The following PREX1 variants were observed in gnomAD, a reference collection of about 807,000 sequenced individuals.
PREX1 encodes the protein phosphatidylinositol 3,4,5-trisphosphate-dependent Rac exchanger 1 protein.
A neutral mutation model predicts 198.3 loss-of-function variants in PREX1; 41 were observed. That is an observed-to-expected ratio of 0.21 (90% CI 0.16 to 0.27). The LOEUF is 0.27. Among genes scored for constraint, PREX1 ranks in the 10% least tolerant of loss-of-function variants. PREX1 has a pLI of 1.00. For synonymous variants in PREX1, 843 were observed against 887.2 expected (o/e 0.95, Z 0.89); for missense variants, 1,620 against 2,200.7 (o/e 0.74, Z 5.28).
chr20:48,837,642 G>A, the PREX1 span, among the ~76,000 whole-genome samples: 3 of 152,160 alleles, frequency 2.0e-5, no homozygotes, highest in Admixed American at 2.0e-4. Context: ...ACGCAGAGGG[G>A]AGCAACAGAC....
At position 48,639,798 on chromosome 20, in the gene PREX1, G is replaced by A. The variant is rs759727690; in HGVS notation, c.3872C>T (p.Thr1291Ile). The A allele has an allele frequency of 1.9e-6, 3 of 1,613,984 alleles. No individual in the cohort carries two copies. The highest frequency in any genetic ancestry group is 2.2e-5 in the East Asian group (1 of 44,894). ...DPWNLPNSIKTLVDNIQRYVE... is the reference protein window; with the variant it reads ...DPWNLPNSIKILVDNIQRYVE... ...ATATCTCTGAATGTTGTCCACCAGG[G>A]TCTTGATGGAGTTGGGGAGGTTCCA... The change falls in exon 30 of 40, where the codon ACC (threonine) becomes ATC (isoleucine). Residue 1291 changes from threonine (T) to isoleucine (I), a missense_variant. Thr to Ile is a moderately conservative substitution (Grantham distance 89, BLOSUM62 -1). Around this residue, in one of 7 missense-constraint regions of PREX1, gnomAD observed 476 missense variants for 603.4 expected, o/e 0.79. Coordinates refer to ENST00000371941, the MANE Select transcript of PREX1 (RefSeq NM_020820.4).
chr20:48,676,325 G>C (rs989956457), intron 13 of PREX1, 57 bp from the exon 14 acceptor site: 1 of 1,542,360 alleles, frequency 6.5e-7, no homozygotes, highest in Non-Finnish European at 9.0e-7. Context: ...CAGAGGTGGG[G>C]GTGGTCCTGA....
intron 14 of PREX1, among the ~76,000 whole-genome samples, chr20:48,673,917 A>G (rs1462323210): frequency 1.3e-5 from 2 of 152,204 alleles, no homozygotes; most frequent in African/African-American, 2.4e-5. Flanking sequence ...AAAACAATCT[A>G]AAGGAGAAGG....
At chr20:48,885,225 A>T in the PREX1 span, among the ~76,000 whole-genome samples, 1 of 152,260 alleles carries the variant, frequency 6.6e-6, no homozygotes, top group African/African-American at 2.4e-5. Context: ...CAGCCCTGGT[A>T]CAAACATTGT....
chr20:48,818,520 G>A (rs918360566), intron 1 of PREX1, among the ~76,000 whole-genome samples: 4 of 152,240 alleles, frequency 2.6e-5, no homozygotes, highest in Admixed American at 6.5e-5. Context: ...AACAGAATGC[G>A]GGAGGCCAGG....
the PREX1 span, among the ~76,000 whole-genome samples, chr20:48,848,248 C>CTTTTTTT: frequency 2.8e-5 from 4 of 140,516 alleles, no homozygotes; most frequent in African/African-American, 7.8e-5. Context: ...TACATTTTTT[C>CTTTTTTT]TTTTTTTTTT....
chr20:48,785,352 T>C (rs990663931), intron 1 of PREX1, among the ~76,000 whole-genome samples: 15 of 152,250 alleles, frequency 9.9e-5, no homozygotes, highest in Non-Finnish European at 2.1e-4. Context: ...ACACCTGTGA[T>C]GGGTGGCAGC....
chr20:48,636,766 G>A, intron 31 of PREX1, 83 bp from the exon 32 acceptor site: 3 of 1,231,768 alleles, frequency 2.4e-6, no homozygotes, highest in South Asian at 2.9e-5. Context: ...CTGGGTCCAG[G>A]ACCCCTCATG....
intron 14 of PREX1, among the ~76,000 whole-genome samples, chr20:48,673,631 G>A (rs1443113188): frequency 4.7e-4 from 71 of 152,086 alleles, no homozygotes; most frequent in Non-Finnish European, 8.8e-5. Context: ...CTCCCACATG[G>A]CACCCCTGTC....
the PREX1 span, among the ~76,000 whole-genome samples, chr20:48,851,073 C>T: frequency 6.6e-6 from 1 of 152,210 alleles, no homozygotes; most frequent in African/African-American, 2.4e-5. Context: ...AGCCACACTC[C>T]TTTGTTTACC....
the PREX1 span, among the ~76,000 whole-genome samples, chr20:48,862,780 T>TAAAAA: frequency 1.1e-3 from 106 of 99,230 alleles, no homozygotes; most frequent in African/African-American, 2.4e-3. Flanking sequence ...TAAAAAAGCC[T>TAAAAA]AAAAAAAAAA....
chr20:48,853,239 G>A, the PREX1 span, among the ~76,000 whole-genome samples: 85 of 152,314 alleles, frequency 5.6e-4, no homozygotes, highest in African/African-American at 1.9e-3. Flanking sequence ...GAAAAGCTGA[G>A]CTGCAGGTAA....
intron 3 of PREX1, among the ~76,000 whole-genome samples, chr20:48,736,447 C>T (rs896963815): frequency 2.8e-4 from 43 of 152,238 alleles, no homozygotes; most frequent in Non-Finnish European, 5.4e-4. Flanking sequence ...CAAACCACCA[C>T]TCACTCATCA....
chr20:48,778,728 AT>A (rs2122912919), intron 1 of PREX1, among the ~76,000 whole-genome samples: 1 of 152,388 alleles, frequency 6.6e-6, no homozygotes, highest in East Asian at 1.9e-4. Flanking sequence ...TTGACTTTTC[AT>A]AAGGATGCAA....
At chr20:48,726,177 C>T in intron 5 of PREX1, 113 bp downstream of exon 5, 1 of 837,316 alleles carries the variant, frequency 1.2e-6, no homozygotes, top group East Asian at 2.7e-5. Context: ...TTAAATCCAG[C>T]CCGGCCCAAA....
chr20:48,811,622 A>AT (rs2090436096), intron 1 of PREX1, among the ~76,000 whole-genome samples: 2 of 120,496 alleles, frequency 1.7e-5, no homozygotes, highest in African/African-American at 8.0e-5. Flanking sequence ...CTGGATACAC[A>AT]CCCCCCCACA....
chr20:48,811,251 G>T (rs371792640), intron 1 of PREX1, among the ~76,000 whole-genome samples: 10 of 152,004 alleles, frequency 6.6e-5, no homozygotes, highest in Admixed American at 5.2e-4. Flanking sequence ...CCGACCTCAG[G>T]TGATCCACCC....
chr20:48,794,833 T>C (rs182272282), intron 1 of PREX1, among the ~76,000 whole-genome samples: 11 of 152,252 alleles, frequency 7.2e-5, no homozygotes, highest in Admixed American at 5.9e-4. Flanking sequence ...CAGACAGCAG[T>C]CCTATGGGGA....
At chr20:48,643,052 G>A (rs60506611) in intron 27 of PREX1, among the ~76,000 whole-genome samples, 1,698 of 152,320 alleles carry the variant, frequency 0.011, 25 homozygotes, top group African/African-American at 0.038. Context: ...GTGACAGCCT[G>A]AGAACCAAGG....
Sources: allele counts gnomAD v4.1 joint callset (sites outside exome capture counted in the v4.1 genomes callset), GRCh38; gene constraint gnomAD v4.1.1; regional missense constraint gnomAD v4.1.1; transcripts MANE v1.5; gene names NCBI Gene and HGNC (gene_info 2026-07-23, HGNC 2026-07-21).